DNAJC28: variants seen among roughly 807,000 people sequenced by gnomAD.
The protein encoded by DNAJC28 is dnaJ homolog subfamily C member 28.
A neutral mutation model predicts 33.3 loss-of-function variants in DNAJC28; 24 were observed. The ratio of observed to expected loss-of-function variants is 0.72; its 90% CI spans 0.52 to 1.01. DNAJC28 has a LOEUF of 1.01. Ranked by LOEUF, DNAJC28 falls within the 50% of genes least tolerant of loss-of-function variation. The pLI is 0.00. For synonymous variants in DNAJC28, 120 were observed against 147.2 expected, an observed-to-expected ratio of 0.82 and a Z score of 1.34; for missense variants, 442 against 455.2, an observed-to-expected ratio of 0.97 and a Z score of 0.26.
rs1337316116 is a variant in DNAJC28, at chr21:33,488,260, A to G, written c.1134T>C (p.Asn378=). 2 of 1,520,512 alleles carry G rather than the reference A, an allele frequency of 1.3e-6. No individual in the cohort carries two copies. The highest frequency in any genetic ancestry group is 2.5e-5 in the Admixed American group (1 of 40,396). 94.2% of individuals were successfully genotyped at this position (1,520,512 alleles called of 1,614,324 possible). The part of the protein sequence containing the change: ...EIKKGFLNWM[N]LWKFIKIRSF The stretch of plus-strand genomic sequence containing the variant: ...ATCGTATTTTAATAAATTTCCACAG[A>G]TTCATCCAGTTTAAAAAACCTTTCT... The change falls in exon 2 of 2, where the codon AAT becomes AAC. Residue 378 remains asparagine (N), a synonymous_variant. Coordinates refer to ENST00000381947, the MANE Select transcript of DNAJC28 (RefSeq NM_001040192.3).
In DNAJC28 at chr21:33,488,173, T is replaced by A. The variant is rs1002608190; in HGVS notation, c.*54A>T. On this transcript the variant is annotated 3_prime_UTR_variant, in exon 2 of 2. Transcript: ENST00000381947. ...AATTCTTGTATTATAGCAATAAATCTCATTTTCCATGTAAAGTGTCAGTGG... is the reference window on the plus strand; with the variant it reads ...AATTCTTGTATTATAGCAATAAATCACATTTTCCATGTAAAGTGTCAGTGG... 1.6e-5 allele frequency: 22 copies of A among 1,345,986 alleles called. No homozygotes were observed. In the African/African-American group the frequency reaches 1.9e-4, roughly 12 times the overall value. The allele number at this position is 1,345,986 out of a possible 1,614,324, so 83.4% of individuals were successfully genotyped here.
chr21:33,488,158 T>C lies in DNAJC28; in HGVS notation c.*69A>G. ...ATGGCACAATTCTTAAATTCTTGTA[T>C]TATAGCAATAAATCTCATTTTCCAT... On this transcript the variant is annotated 3_prime_UTR_variant, in exon 2 of 2. Coordinates refer to ENST00000381947, the MANE Select transcript of DNAJC28 (RefSeq NM_001040192.3). The C allele has an allele frequency of 8.1e-7, 1 of 1,236,530 alleles. No individual in the cohort carries two copies. Among genetic ancestry groups the C allele is most frequent in the Non-Finnish European group, 1.1e-6 (1 of 913,252 alleles). The allele number at this position is 1,236,530 out of a possible 1,614,324, so 76.6% of individuals were successfully genotyped here.
rs752329100 is a variant in DNAJC28, at chr21:33,488,470, G to T, written c.924C>A (p.Asn308Lys). Residue 308 changes from asparagine (N) to lysine (K), a missense_variant, in exon 2 of 2, where the codon AAC (asparagine) becomes AAA (lysine). Transcript: ENST00000381947. ...TTAAATTAAAATCATTAATTCGCTT[G>T]TTTAATTTTCTGATGTTTTCTTGAA... ...EQFQENIRKL[N>K]KRINDFNLIV... 6.2e-7 allele frequency: 1 copy of T among 1,611,392 alleles called. No homozygotes were observed. Among genetic ancestry groups the T allele is most frequent in the Admixed American group, 1.7e-5 (1 of 59,364 alleles).
chr21:33,489,044 C>T lies in DNAJC28; in HGVS notation c.350G>A (p.Gly117Asp), dbSNP rs767928230. ...TTTTTCTACATCTTCTTCTTCTTCA[C>T]CTTTACTCTGACTGGCATTTGTTTG... ...IEQTNASQSK[G>D]EEEEDVEKFK... Residue 117 changes from glycine to aspartate, a missense_variant, in exon 2 of 2, where the codon GGT becomes GAT. Gly to Asp is a moderately conservative substitution (Grantham distance 94). Coordinates refer to ENST00000381947, the MANE Select transcript of DNAJC28 (RefSeq NM_001040192.3). 15 of 1,612,746 alleles carry T rather than the reference C, an allele frequency of 9.3e-6. No homozygotes were observed. Among genetic ancestry groups the T allele is most frequent in the Admixed American group, 1.7e-5 (1 of 59,712 alleles).
Position 33,489,399 on chromosome 21 carries a change from T to A in DNAJC28, c.-6A>T. Reference sequence around the variant, plus strand: ...ATCACATACATTGTATTCATTATTGTACCCAGAGTTCTTCCTAGCAATGAC... The same window carrying A: ...ATCACATACATTGTATTCATTATTGAACCCAGAGTTCTTCCTAGCAATGAC... On this transcript the variant is annotated 5_prime_UTR_variant, in exon 2 of 2. Transcript: ENST00000381947. 1.3e-6 allele frequency: 2 copies of A among 1,494,830 alleles called. No homozygotes were observed. Among genetic ancestry groups the A allele is most frequent in the Non-Finnish European group, 1.8e-6 (2 of 1,125,798 alleles). 92.6% of individuals were successfully genotyped at this position (1,494,830 alleles called of 1,614,324 possible).
rs771365218 is a variant in DNAJC28 at position 33,488,203 on chromosome 21, A to G, written c.*24T>C. 3 of 1,461,916 alleles carry G rather than the reference A, an allele frequency of 2.1e-6. No individual in the cohort carries two copies. The highest frequency in any genetic ancestry group is 2.9e-5 in the South Asian group (2 of 67,844). The allele number at this position is 1,461,916 out of a possible 1,614,324, so 90.6% of individuals were successfully genotyped here. A position where few individuals can be genotyped will look rare whatever the true frequency, so the allele number is the denominator to read the frequency against. ...TTCCATGTAAAGTGTCAGTGGAACT[A>G]AGAATGATTTATGATAGTAAACATC... is the stretch of plus-strand genomic sequence containing the variant. On this transcript the variant is annotated 3_prime_UTR_variant, in exon 2 of 2. Transcript: ENST00000381947.
At position 33,488,467 on chromosome 21, in the gene DNAJC28, CTTGT is replaced by C. The variant is rs768858415; in HGVS notation, c.923_926del (p.Asn308SerfsTer8). 3 of 1,610,648 alleles carry C rather than the reference CTTGT, an allele frequency of 1.9e-6. No individual in the cohort carries two copies. In the African/African-American group the frequency reaches 4.0e-5, roughly 22 times the overall value. On this transcript the variant is annotated frameshift_variant, in exon 2 of 2. Transcript: ENST00000381947. LOFTEE classifies it high-confidence loss of function. ...CAATTAAATTAAAATCATTAATTCG[CTTGT>C]TTAATTTTCTGATGTTTTCTTGAAA...
Position 33,488,587 on chromosome 21 carries a change from T to C in DNAJC28, c.807A>G (p.Gln269=). The part of the protein sequence containing the change: ...KQKEISDTIE[Q]LREAILVSRK... ...TAGACACTAAAATTGCCTCTCTGAG[T>C]TGCTCAATAGTATCGCTTATTTCCT... Residue 269 remains glutamine (Q), a synonymous_variant, in exon 2 of 2, where the codon CAA becomes CAG. Transcript: ENST00000381947. 1 of 1,613,792 alleles carries C rather than the reference T, an allele frequency of 6.2e-7. No individual in the cohort carries two copies. The highest frequency in any genetic ancestry group is 8.5e-7 in the Non-Finnish European group (1 of 1,179,962).
chr21:33,490,679 TG>T (rs1267990936), intron 1 of DNAJC28, among the ~76,000 whole-genome samples: 1 of 152,068 alleles, frequency 6.6e-6, no homozygotes, highest in African/African-American at 2.4e-5. Context: ...GAGAATCGCT[TG>T]AACCCGGGAG....
At chr21:33,490,094 C>G (rs1161229097) in intron 1 of DNAJC28, among the ~76,000 whole-genome samples, 1 of 150,750 alleles carries the variant, frequency 6.6e-6, no homozygotes, top group African/African-American at 2.4e-5. Flanking sequence ...TGCCCAGCCA[C>G]ATTCTTTTTT....
chr21:33,490,994 T>G (rs761914843), intron 1 of DNAJC28: 2 of 152,178 alleles, frequency 1.3e-5, no homozygotes, highest in Non-Finnish European at 2.9e-5. Context: ...TCCAGCCGAT[T>G]ATAAACTGCA....
Position 33,488,944 on chromosome 21 carries a change from T to C in DNAJC28, c.450A>G (p.Arg150=), listed in dbSNP as rs775870618. 7.4e-6 allele frequency: 12 copies of C among 1,613,746 alleles called. No homozygotes were observed. In the East Asian group the frequency reaches 2.7e-4, roughly 36 times the overall value. The part of the protein sequence containing the change: ...EGIGFGTPTQ[R]EKHYRQFRAD... ...CCCTAAATTGCCTATAATGCTTCTC[T>C]CGTTGAGTTGGAGTCCCAAAACCAA... Residue 150 remains arginine, a synonymous_variant, in exon 2 of 2, where the codon CGA becomes CGG. Coordinates refer to ENST00000381947, the MANE Select transcript of DNAJC28 (RefSeq NM_001040192.3).
At position 33,488,850 on chromosome 21, in the gene DNAJC28, T is replaced by C. The variant is rs768182272; in HGVS notation, c.544A>G (p.Ser182Gly). ...QKLQSQYFPD[S>G]VIVKNIRQSK... Reference sequence around the variant, plus strand: ...TGTCTTATATTTTTAACAATTACACTATCAGGAAAATACTGGCTTTGTAGT... The same window carrying C: ...TGTCTTATATTTTTAACAATTACACCATCAGGAAAATACTGGCTTTGTAGT... Residue 182 changes from serine to glycine, a missense_variant, in exon 2 of 2, where the codon AGT becomes GGT. Ser to Gly is a moderately conservative substitution (Grantham distance 56). Coordinates refer to ENST00000381947, the MANE Select transcript of DNAJC28 (RefSeq NM_001040192.3). The C allele has an allele frequency of 1.2e-6, 2 of 1,610,688 alleles. No individual in the cohort carries two copies. Among genetic ancestry groups the C allele is most frequent in the African/African-American group, 2.7e-5 (2 of 74,638 alleles).
At position 33,489,313 on chromosome 21, in the gene DNAJC28, T is replaced by C. The variant is rs750095576; in HGVS notation, c.81A>G (p.Lys27=). 1.3e-6 allele frequency: 2 copies of C among 1,586,860 alleles called. No individual in the cohort carries two copies. Among genetic ancestry groups the C allele is most frequent in the African/African-American group, 2.7e-5 (2 of 73,596 alleles). ...IKATVIPNRV[K]MLPYFGIIRN... is the part of the protein sequence containing the mutation. ...TAATGATACCAAAATATGGAAGCAT[T>C]TTCACTCGATTAGGAATCACTGTAG... Residue 27 remains lysine (K), a synonymous_variant, in exon 2 of 2, where the codon AAA becomes AAG. Transcript: ENST00000381947.
chr21:33,490,826 G>A lies in DNAJC28; in HGVS notation c.-32+776C>T, dbSNP rs1179013920. On this transcript the variant is annotated intron_variant, in intron 1 of 1. Coordinates refer to ENST00000381947, the MANE Select transcript of DNAJC28 (RefSeq NM_001040192.3). Reference sequence around the variant, plus strand: ...CTAACTAACCGTATATTTTACAAGTGGAAAGTTCTTAGAGATCATCTAATC... The same window carrying A: ...CTAACTAACCGTATATTTTACAAGTAGAAAGTTCTTAGAGATCATCTAATC... Among the ~76,000 whole-genome samples the A allele has an allele frequency of 2.0e-5, 3 of 152,206 alleles. No individual in the cohort carries two copies. The East Asian group carries it at 5.8e-4, about 29-fold the overall frequency.
Position 33,489,364 on chromosome 21 carries a change from C to G in DNAJC28, c.30G>C (p.Gln10His), listed in dbSNP as rs1040237569. Residue 10 changes from glutamine to histidine, a missense_variant, in exon 2 of 2, where the codon CAG becomes CAC. Gln to His is a conservative substitution (Grantham distance 24, BLOSUM62 0). Transcript: ENST00000381947. Reference sequence around the variant, plus strand: ...CCTTTATCAGGTGAGATCTTAAGATCTGAGCCATCATCACATACATTGTAT... The same window carrying G: ...CCTTTATCAGGTGAGATCTTAAGATGTGAGCCATCATCACATACATTGTAT... MNTMYVMMA[Q>H]ILRSHLIKAT... 7 of 1,537,254 alleles carry G rather than the reference C, an allele frequency of 4.6e-6. No homozygotes were observed. Among genetic ancestry groups the G allele is most frequent in the African/African-American group, 1.4e-5 (1 of 72,220 alleles).
chr21:33,488,580 C>T lies in DNAJC28; in HGVS notation c.814G>A (p.Glu272Lys). ...TTTTTCCTAGACACTAAAATTGCCT[C>T]TCTGAGTTGCTCAATAGTATCGCTT... is the stretch of plus-strand genomic sequence containing the variant. Reference protein sequence around the residue: ...EISDTIEQLREAILVSRKKLG... With the variant: ...EISDTIEQLRKAILVSRKKLG... The change falls in exon 2 of 2, where the codon GAG (glutamate) becomes AAG (lysine). Residue 272 changes from glutamate (E) to lysine (K), a missense_variant. By Grantham distance (56) the Glu-to-Lys change is moderately conservative. Transcript: ENST00000381947. 1 of 1,613,694 alleles carries T rather than the reference C, an allele frequency of 6.2e-7. No individual in the cohort carries two copies. The highest frequency in any genetic ancestry group is 8.5e-7 in the Non-Finnish European group (1 of 1,179,948).
rs200167967 is a variant in DNAJC28, at chr21:33,488,804, G to A, written c.590C>T (p.Thr197Met). 29 of 1,613,538 alleles carry A rather than the reference G, an allele frequency of 1.8e-5. No homozygotes were observed. The South Asian group carries it at 2.2e-4, about 12-fold the overall frequency. ...NIRQSKQQKI[T>M]QAIERLVEDL... ...CTCCACTAAACGTTCTATAGCTTGC[G>A]TTATCTTTTGCTGTTTGCTCTGTCT... The change falls in exon 2 of 2, where the codon ACG (threonine) becomes ATG (methionine). Residue 197 changes from threonine (T) to methionine (M), a missense_variant. Coordinates refer to ENST00000381947, the MANE Select transcript of DNAJC28 (RefSeq NM_001040192.3).
chr21:33,489,362 A>G lies in DNAJC28; in HGVS notation c.32T>C (p.Ile11Thr). The G allele has an allele frequency of 6.5e-7, 1 of 1,537,400 alleles. No individual in the cohort carries two copies. The highest frequency in any genetic ancestry group is 2.3e-5 in the East Asian group (1 of 44,406). ...AGCCTTTATCAGGTGAGATCTTAAG[A>G]TCTGAGCCATCATCACATACATTGT... The part of the protein sequence containing the change: MNTMYVMMAQ[I>T]LRSHLIKATV... Residue 11 changes from isoleucine to threonine, a missense_variant, in exon 2 of 2, where the codon ATC becomes ACC. Transcript: ENST00000381947.
Sources: allele counts gnomAD v4.1 joint callset (sites outside exome capture counted in the v4.1 genomes callset), GRCh38; gene constraint gnomAD v4.1.1; transcripts MANE v1.5; gene names NCBI Gene and HGNC (gene_info 2026-07-23, HGNC 2026-07-21).